Variants in UST observed in about 807,000 individuals in gnomAD.
UST encodes chondroitin sulfate 2-O-sulfotransferase.
Under a neutral mutation model 45.6 loss-of-function variants are expected in UST, and 21 were observed. The ratio of observed to expected loss-of-function variants is 0.46; its 90% CI spans 0.33 to 0.66. The LOEUF (loss-of-function observed/expected upper bound fraction) is 0.66, where lower values mean the gene tolerates loss of function less well. Among genes scored for constraint, UST ranks in the 30% least tolerant of loss-of-function variants. UST has a pLI of 0.02. For synonymous variants in UST, 215 were observed against 200.6 expected, an observed-to-expected ratio of 1.07 and a Z score of -0.61; for missense variants, 463 against 512.4, an observed-to-expected ratio of 0.90 and a Z score of 0.93.
chr6:148,837,942 A>G (rs935242513), intron 1 of UST, among the ~76,000 whole-genome samples: 6 of 152,192 alleles, frequency 3.9e-5, no homozygotes, highest in East Asian at 3.8e-4. Context: ...AGCTCAAGCA[A>G]TGTGCCCACC....
chr6:148,921,716 C>G (rs903670251), intron 2 of UST, among the ~76,000 whole-genome samples: 2 of 152,164 alleles, frequency 1.3e-5, no homozygotes, highest in Non-Finnish European at 2.9e-5. Context: ...CCTGGAGCAT[C>G]CTTGTGGGTT....
chr6:149,019,154 ATTC>A lies in UST; in HGVS notation c.700_702del (p.Leu234del). On this transcript the variant is annotated inframe_deletion, in exon 6 of 8. Transcript: ENST00000367463. ...TCTCTTCTAGGATATCAATGAGTGTATTCTTGAAAACTATCCCGAGTGCTCCAA... is the reference window on the plus strand; with the variant it reads ...TCTCTTCTAGGATATCAATGAGTGTATTGAAAACTATCCCGAGTGCTCCAA... The A allele has an allele frequency of 6.2e-7, 1 of 1,613,522 alleles. No homozygotes were observed. The highest frequency in any genetic ancestry group is 2.2e-5 in the East Asian group (1 of 44,886).
intron 1 of UST, among the ~76,000 whole-genome samples, chr6:148,765,280 TG>T (rs1776301488): frequency 6.6e-6 from 1 of 152,204 alleles, no homozygotes; most frequent in Non-Finnish European, 1.5e-5. Flanking sequence ...GTTGTAGGTA[TG>T]TGGCTTTATT....
chr6:148,867,822 T>C (rs1316988211), intron 1 of UST, among the ~76,000 whole-genome samples: 1 of 152,174 alleles, frequency 6.6e-6, no homozygotes, highest in Non-Finnish European at 1.5e-5. Context: ...TAATACACAC[T>C]TGTTTGTAGG....
chr6:148,902,022 T>TA (rs1237508900), intron 2 of UST, among the ~76,000 whole-genome samples: 1 of 152,200 alleles, frequency 6.6e-6, no homozygotes, highest in African/African-American at 2.4e-5. Flanking sequence ...GCCAGTTTTA[T>TA]TCTAGCTTCC....
chr6:148,918,790 T>C (rs1445699459), intron 2 of UST, among the ~76,000 whole-genome samples: 8 of 152,182 alleles, frequency 5.3e-5, no homozygotes, highest in Admixed American at 5.2e-4. Context: ...CCTTTTTTCT[T>C]TACTTTCCTT....
At chr6:148,928,017 A>G (rs1779849425) in intron 2 of UST, among the ~76,000 whole-genome samples, 1 of 152,048 alleles carries the variant, frequency 6.6e-6, no homozygotes, top group Admixed American at 6.5e-5. Context: ...CCTGGAGGGG[A>G]GGTATTTGTG....
At chr6:148,759,290 C>T (rs1366252110) in intron 1 of UST, among the ~76,000 whole-genome samples, 1 of 152,036 alleles carries the variant, frequency 6.6e-6, no homozygotes, top group Non-Finnish European at 1.5e-5. Context: ...CTTTGGGAGG[C>T]CGAGGTGGGT....
In UST at chr6:148,992,606, T is replaced by C. The variant is rs376060655; in HGVS notation, c.682-26533T>C. The stretch of plus-strand genomic sequence containing the variant: ...TTTGGACCACCCAGAGGACTCTATT[T>C]GCATGAAAACTTGGTTGTGGTTGTA... On this transcript the variant is annotated intron_variant, in intron 5 of 7. Coordinates refer to ENST00000367463, the MANE Select transcript of UST (RefSeq NM_005715.3). 2.0e-5 allele frequency among the ~76,000 whole-genome samples: 3 copies of C among 152,228 alleles called. No homozygotes were observed. In the East Asian group the frequency reaches 5.8e-4, roughly 29 times the overall value.
At chr6:148,890,820 A>G (rs1382311498) in intron 2 of UST, among the ~76,000 whole-genome samples, 1 of 152,238 alleles carries the variant, frequency 6.6e-6, no homozygotes, top group Non-Finnish European at 1.5e-5. Flanking sequence ...GCCACATTTT[A>G]CCACTACTTT....
intron 1 of UST, among the ~76,000 whole-genome samples, chr6:148,880,904 C>T (rs1446563658): frequency 6.6e-6 from 1 of 151,954 alleles, no homozygotes; most frequent in Non-Finnish European, 1.5e-5. Context: ...TGGTGGGCGC[C>T]TGTAATCCCA....
chr6:149,020,694 C>G (rs987169635), intron 6 of UST, among the ~76,000 whole-genome samples: 8 of 152,164 alleles, frequency 5.3e-5, no homozygotes, highest in African/African-American at 1.9e-4. Flanking sequence ...GCCTGGAGCC[C>G]CACTCCCGGG....
chr6:149,055,686 C>T (rs899682802), intron 7 of UST, among the ~76,000 whole-genome samples: 11 of 152,202 alleles, frequency 7.2e-5, no homozygotes, highest in Non-Finnish European at 1.2e-4. Context: ...CTAGCATTGG[C>T]TGATTGTTTC....
intron 5 of UST, chr6:148,964,778 G>A: frequency 1.6e-6 from 1 of 620,272 alleles, no homozygotes; most frequent in South Asian, 2.1e-5. Context: ...ATTATTTTCT[G>A]ATTTTGCTTT....
intron 7 of UST, among the ~76,000 whole-genome samples, chr6:149,054,064 C>T (rs1776528711): frequency 6.6e-6 from 1 of 152,162 alleles, no homozygotes; most frequent in African/African-American, 2.4e-5. Flanking sequence ...TCACCCCATC[C>T]CCCCATGCCC....
At chr6:148,967,635 G>T (rs1780828279) in intron 5 of UST, among the ~76,000 whole-genome samples, 1 of 152,218 alleles carries the variant, frequency 6.6e-6, no homozygotes, top group South Asian at 2.1e-4. Context: ...GGCGCAGGCA[G>T]CTGTGAGGAG....
intron 1 of UST, among the ~76,000 whole-genome samples, 198 bp downstream of exon 1, chr6:148,747,875 A>T (rs577587226): frequency 1.3e-5 from 2 of 152,126 alleles, no homozygotes; most frequent in South Asian, 4.2e-4. Flanking sequence ...GTCCTCACCG[A>T]GGCGGGGGCG....
chr6:148,978,349 T>C (rs932688206), intron 5 of UST, among the ~76,000 whole-genome samples: 4 of 152,164 alleles, frequency 2.6e-5, no homozygotes, highest in South Asian at 4.1e-4. Context: ...AGTCTTTACA[T>C]AGGCTGTAAA....
At chr6:148,926,773 A>G (rs1392465393) in intron 2 of UST, among the ~76,000 whole-genome samples, 1 of 152,120 alleles carries the variant, frequency 6.6e-6, no homozygotes, top group Non-Finnish European at 1.5e-5. Flanking sequence ...ATCACTCCCA[A>G]CTTCAAGTGA....
Sources: gnomAD v4.1 joint callset for allele counts (sites outside exome capture counted in the v4.1 genomes callset) on GRCh38, gnomAD v4.1.1 for gene constraint, MANE v1.5 for transcripts, NCBI Gene and HGNC (gene_info 2026-07-23, HGNC 2026-07-21) for gene names.